Variants in NPFFR2 observed in about 807,000 individuals in gnomAD.
NPFFR2 encodes the protein neuropeptide FF receptor 2, also known as G-protein coupled receptor 74.
NPFFR2 carries 15 observed loss-of-function variants against 13.1 expected under a neutral mutation model. The observed-to-expected ratio is 1.15, with a 90% confidence interval of 0.77 to 1.76. The LOEUF is 1.76. Among genes scored for constraint, NPFFR2 ranks in the 40% most tolerant of loss-of-function variants. The pLI, the probability that NPFFR2 is intolerant of heterozygous loss-of-function variation, is 0.00. For synonymous variants in NPFFR2, 190 were observed against 175.7 expected, an observed-to-expected ratio of 1.08 and a Z score of -0.65; for missense variants, 572 against 503.5, an observed-to-expected ratio of 1.14 and a Z score of -1.30.
chr4:72,087,580 G>A (rs1021353432), intron 1 of NPFFR2, among the ~76,000 whole-genome samples: 2 of 152,024 alleles, frequency 1.3e-5, no homozygotes, highest in African/African-American at 4.8e-5. Context: ...AGTTGTGATG[G>A]ATGAGAGCCC....
At chr4:72,046,702 G>A (rs1719391800) in intron 1 of NPFFR2, among the ~76,000 whole-genome samples, 1 of 152,156 alleles carries the variant, frequency 6.6e-6, no homozygotes, top group African/African-American at 2.4e-5. Context: ...GGAGGAGCAG[G>A]CTAGAAAAAG....
At chr4:72,108,585 A>G (rs951105413) in intron 1 of NPFFR2, among the ~76,000 whole-genome samples, 1 of 152,042 alleles carries the variant, frequency 6.6e-6, no homozygotes, top group Middle Eastern at 3.2e-3. Flanking sequence ...AAAGAATTGG[A>G]GGAAATAGAC....
chr4:72,083,217 T>C (rs1720679959), intron 1 of NPFFR2, among the ~76,000 whole-genome samples: 1 of 149,782 alleles, frequency 6.7e-6, no homozygotes. Flanking sequence ...ATAAGTGGAA[T>C]TTCTGAATCA....
chr4:72,117,863 A>G (rs548574917), intron 1 of NPFFR2, among the ~76,000 whole-genome samples: 6 of 152,318 alleles, frequency 3.9e-5, no homozygotes, highest in Non-Finnish European at 8.8e-5. Flanking sequence ...TTAATGAATA[A>G]AAAAGGAACA....
chr4:72,076,739 A>G (rs1290589610), intron 1 of NPFFR2, among the ~76,000 whole-genome samples: 1 of 152,094 alleles, frequency 6.6e-6, no homozygotes, highest in Non-Finnish European at 1.5e-5. Context: ...CACAAATACA[A>G]CCTAATGTAG....
At chr4:72,102,377 A>AATTATTATT (rs143113118) in intron 1 of NPFFR2, among the ~76,000 whole-genome samples, 7 of 151,912 alleles carry the variant, frequency 4.6e-5, no homozygotes, top group African/African-American at 9.6e-5. Flanking sequence ...TGAATGAGGA[A>AATTATTATT]ATTATTATTA....
At chr4:72,059,939 C>T (rs907517891) in intron 1 of NPFFR2, among the ~76,000 whole-genome samples, 2 of 152,030 alleles carry the variant, frequency 1.3e-5, no homozygotes, top group African/African-American at 4.8e-5. Context: ...TATTTTTCCC[C>T]CCAGATAATT....
rs77060411 is a variant in NPFFR2, at chr4:72,138,099, G to A, written c.388G>A (p.Ala130Thr). The change falls in exon 3 of 4, where the codon GCA becomes ACA. Residue 130 changes from alanine to threonine, a missense_variant. Physicochemically the swap from Ala to Thr is moderately conservative, Grantham distance 58 (BLOSUM62 0). Transcript: ENST00000308744. ...ISGLVQGISVAASVFTLVAIA... is the reference protein window; with the variant it reads ...ISGLVQGISVTASVFTLVAIA... The stretch of plus-strand genomic sequence containing the variant: ...TGGATTGGTCCAGGGAATATCTGTC[G>A]CAGCTTCAGTCTTTACGTTAGTTGC... 596 of 1,613,646 alleles carry A rather than the reference G, an allele frequency of 3.7e-4. 2 individuals carry two copies. The African/African-American group carries it at 6.5e-3, about 18-fold the overall frequency.
At chr4:72,096,410 T>G (rs569592548) in intron 1 of NPFFR2, among the ~76,000 whole-genome samples, 74 of 152,286 alleles carry the variant, frequency 4.9e-4, no homozygotes, top group African/African-American at 1.7e-3. Flanking sequence ...ATTTAATAAA[T>G]GCTGTTGAAT....
intron 1 of NPFFR2, among the ~76,000 whole-genome samples, chr4:72,098,252 T>G (rs1052868496): frequency 9.9e-5 from 15 of 152,128 alleles, no homozygotes; most frequent in African/African-American, 3.6e-4. Flanking sequence ...CAAAGATGAG[T>G]AAGATATAAG....
At chr4:72,065,583 C>T (rs1047545174) in intron 1 of NPFFR2, among the ~76,000 whole-genome samples, 2 of 151,928 alleles carry the variant, frequency 1.3e-5, no homozygotes, top group African/African-American at 4.8e-5. Flanking sequence ...ACAAATTGAC[C>T]CAAGGAGATA....
intron 1 of NPFFR2, among the ~76,000 whole-genome samples, chr4:72,117,389 T>G (rs534938450): frequency 4.1e-4 from 62 of 152,336 alleles, no homozygotes; most frequent in Admixed American, 1.4e-3. Flanking sequence ...AATAATCAAT[T>G]TTTAAAAATA....
At chr4:72,133,905 C>T (rs1722327707) in intron 2 of NPFFR2, among the ~76,000 whole-genome samples, 1 of 151,750 alleles carries the variant, frequency 6.6e-6, no homozygotes, top group Non-Finnish European at 1.5e-5. Flanking sequence ...ATAAAAAGTG[C>T]TCTCAATATT....
At chr4:72,071,157 G>A (rs552588977) in intron 1 of NPFFR2, among the ~76,000 whole-genome samples, 1 of 152,254 alleles carries the variant, frequency 6.6e-6, no homozygotes, top group South Asian at 2.1e-4. Flanking sequence ...AAGAATCTAT[G>A]TTTTCCTTTT....
Position 72,146,986 on chromosome 4 carries a change from G to C in NPFFR2, c.437G>C (p.Cys146Ser). 1 of 1,607,644 alleles carries C rather than the reference G, an allele frequency of 6.2e-7. No homozygotes were observed. The highest frequency in any genetic ancestry group is 1.1e-5 in the South Asian group (1 of 90,642). ...LVAIAVDRFQ[C>S]VVYPFKPKLT... Reference sequence around the variant, plus strand: ...TTTGTGTTTAATTGCAGGTTCCAGTGTGTGGTCTACCCTTTTAAACCAAAG... The same window carrying C: ...TTTGTGTTTAATTGCAGGTTCCAGTCTGTGGTCTACCCTTTTAAACCAAAG... The change falls in exon 4 of 4, where the codon TGT becomes TCT. Residue 146 changes from cysteine (C) to serine (S), a missense_variant. Transcript: ENST00000308744.
chr4:72,105,659 C>T (rs374820409), intron 1 of NPFFR2, among the ~76,000 whole-genome samples: 2 of 151,928 alleles, frequency 1.3e-5, no homozygotes, highest in East Asian at 3.9e-4. Flanking sequence ...GATCAAGAGT[C>T]ACCATTGAAA....
intron 1 of NPFFR2, among the ~76,000 whole-genome samples, chr4:72,100,626 A>G (rs1412158511): frequency 6.6e-6 from 1 of 152,076 alleles, no homozygotes; most frequent in Non-Finnish European, 1.5e-5. Flanking sequence ...GCAACTTCAA[A>G]CTAAAATAGA....
chr4:72,110,637 GCAATCAAT>G (rs1372085221), intron 1 of NPFFR2, among the ~76,000 whole-genome samples: 1 of 151,984 alleles, frequency 6.6e-6, no homozygotes, highest in African/African-American at 2.4e-5. Flanking sequence ...TCAGTAAGAA[GCAATCAAT>G]TGTCTTTTAA....
intron 2 of NPFFR2, among the ~76,000 whole-genome samples, chr4:72,132,005 T>A (rs1453786003): frequency 2.0e-5 from 3 of 152,150 alleles, no homozygotes; most frequent in Non-Finnish European, 2.9e-5. Context: ...AAGTTTTTTT[T>A]TAATTTAACT....
Sources: allele counts gnomAD v4.1 joint callset (sites outside exome capture counted in the v4.1 genomes callset), GRCh38; gene constraint gnomAD v4.1.1; transcripts MANE v1.5; gene names NCBI Gene and HGNC (gene_info 2026-07-23, HGNC 2026-07-21).